NAALADL2: variants seen among roughly 807,000 people sequenced by gnomAD.
NAALADL2 encodes the protein inactive N-acetylated-alpha-linked acidic dipeptidase-like protein 2.
A neutral mutation model predicts 87.2 loss-of-function variants in NAALADL2; 76 were observed. That is an observed-to-expected ratio of 0.87 (90% confidence interval 0.72 to 1.05). The LOEUF is 1.05. NAALADL2 is among the 50% of genes least tolerant of loss of function. The probability of loss-of-function intolerance (pLI) is 0.00; values close to 1 mark genes in which losing one functional copy is unlikely to be tolerated. For synonymous variants in NAALADL2, 354 were observed against 331.0 expected, an observed-to-expected ratio of 1.07 and a Z score of -0.75; for missense variants, 1,089 against 945.8, an observed-to-expected ratio of 1.15 and a Z score of -1.99.
In NAALADL2 at chr3:175,770,944, T is replaced by G. The variant is rs149293194; in HGVS notation, c.2189+15526T>G. On this transcript the variant is annotated intron_variant, in intron 13 of 13. Coordinates refer to ENST00000454872, the MANE Select transcript of NAALADL2 (RefSeq NM_207015.3). ...AATTAAATAGATAGCTTTGAACAAC[T>G]AAAGAATAGAAATGTTTTCAAAGCT... Among the ~76,000 whole-genome samples the G allele has an allele frequency of 1.1e-4, 17 of 152,300 alleles. No homozygotes were observed. The East Asian group carries it at 3.1e-3, about 28-fold the overall frequency.
chr3:175,636,277 A>T (rs1337439174), intron 11 of NAALADL2, among the ~76,000 whole-genome samples: 1 of 152,140 alleles, frequency 6.6e-6, no homozygotes, highest in African/African-American at 2.4e-5. Flanking sequence ...TTCTCAGTAT[A>T]TCACCATAGA....
chr3:175,810,044 G>C lies in NAALADL2; in HGVS notation c.*6841G>C, dbSNP rs549910734. ...TGTTTAGCCTTGTTCAAAATGATTT[G>C]ATTATCATCTGGATTCAGAAATCTT... On this transcript the variant is annotated 3_prime_UTR_variant, in exon 14 of 14. Transcript: ENST00000454872. The C allele has an allele frequency of 6.6e-6, 1 of 152,022 alleles. No homozygotes were observed. Among genetic ancestry groups the C allele is most frequent in the African/African-American group, 2.4e-5 (1 of 41,498 alleles). 9.4% of individuals were successfully genotyped at this position (152,022 alleles called of 1,614,324 possible). A position where few individuals can be genotyped will look rare whatever the true frequency, so the allele number is the denominator to read the frequency against.
intron 9 of NAALADL2, among the ~76,000 whole-genome samples, chr3:175,487,812 C>T (rs541219113): frequency 1.2e-4 from 18 of 152,228 alleles, no homozygotes; most frequent in African/African-American, 4.1e-4. Flanking sequence ...TGTGTCTAAT[C>T]CAGATATGGT....
chr3:174,628,171 A>G (rs542744042), intron 2 of NAALADL2, among the ~76,000 whole-genome samples: 3 of 152,308 alleles, frequency 2.0e-5, no homozygotes, highest in South Asian at 4.1e-4. Context: ...AGAGTGGAAA[A>G]TGATTTTAAA....
At chr3:175,674,626 CATTTTT>C (rs1321273640) in intron 11 of NAALADL2, among the ~76,000 whole-genome samples, 1 of 151,974 alleles carries the variant, frequency 6.6e-6, no homozygotes, top group African/African-American at 2.4e-5. Context: ...ACCACATTTT[CATTTTT>C]GAGTGTTTCA....
At chr3:175,470,406 G>C (rs1358407421) in intron 8 of NAALADL2, among the ~76,000 whole-genome samples, 1 of 151,900 alleles carries the variant, frequency 6.6e-6, no homozygotes, top group East Asian at 1.9e-4. Context: ...ATGTTAACCA[G>C]CTTAATTTAA....
chr3:175,055,477 G>A (rs1711944379), intron 1 of NAALADL2, among the ~76,000 whole-genome samples: 2 of 152,184 alleles, frequency 1.3e-5, no homozygotes. Flanking sequence ...CACAGCTTTT[G>A]TACAGCATAA....
At chr3:175,389,354 A>C (rs993351512) in intron 5 of NAALADL2, among the ~76,000 whole-genome samples, 1 of 152,196 alleles carries the variant, frequency 6.6e-6, no homozygotes, top group Non-Finnish European at 1.5e-5. Context: ...AGGAATAAAC[A>C]CTGTACTCTA....
intron 5 of NAALADL2, among the ~76,000 whole-genome samples, chr3:175,428,405 C>T (rs530140805): frequency 1.3e-5 from 2 of 152,124 alleles, no homozygotes; most frequent in Admixed American, 6.6e-5. Context: ...AAATAGTCAC[C>T]GAATCACCTA....
chr3:175,053,673 C>T (rs966726561), intron 1 of NAALADL2, among the ~76,000 whole-genome samples: 21 of 152,304 alleles, frequency 1.4e-4, no homozygotes, highest in African/African-American at 5.1e-4. Flanking sequence ...AAGGTGTCCA[C>T]ACATACATGT....
intron 1 of NAALADL2, among the ~76,000 whole-genome samples, chr3:174,955,917 A>T (rs1010461937): frequency 6.6e-6 from 1 of 151,920 alleles, no homozygotes; most frequent in Non-Finnish European, 1.5e-5. Context: ...CACTTTGAAA[A>T]CTTGTGATTT....
At chr3:175,627,458 A>C in intron 11 of NAALADL2, 72 bp downstream of exon 11, 3 of 959,428 alleles carry the variant, frequency 3.1e-6, no homozygotes, top group Non-Finnish European at 1.6e-6. Context: ...GAGCAAAGGA[A>C]CATAACCAAT....
At chr3:175,114,149 A>G (rs567841398) in intron 2 of NAALADL2, among the ~76,000 whole-genome samples, 35 of 151,792 alleles carry the variant, frequency 2.3e-4, no homozygotes, top group African/African-American at 8.2e-4. Flanking sequence ...AGTGAAGGAT[A>G]GAGAGGAAAA....
chr3:175,286,158 T>C (rs953039074), intron 4 of NAALADL2, among the ~76,000 whole-genome samples: 1 of 152,222 alleles, frequency 6.6e-6, no homozygotes, highest in Non-Finnish European at 1.5e-5. Flanking sequence ...ATTTTAGTTA[T>C]ACAGGTTGCC....
intron 11 of NAALADL2, among the ~76,000 whole-genome samples, chr3:175,711,145 C>T (rs770974153): frequency 4.0e-5 from 6 of 151,572 alleles, no homozygotes; most frequent in East Asian, 1.9e-4. Flanking sequence ...AGACCAGAGC[C>T]GCTTTAGAAT....
chr3:175,409,926 A>G (rs1211431886), intron 5 of NAALADL2, among the ~76,000 whole-genome samples: 1 of 152,090 alleles, frequency 6.6e-6, no homozygotes, highest in Non-Finnish European at 1.5e-5. Flanking sequence ...AAAGGGAAGA[A>G]TCAGGGGATA....
rs1442958836 is a variant in NAALADL2 at position 175,173,317 on chromosome 3, T to TA, written c.546-60611dup. On this transcript the variant is annotated intron_variant, in intron 2 of 13. Coordinates refer to ENST00000454872, the MANE Select transcript of NAALADL2 (RefSeq NM_207015.3). Reference sequence around the variant, plus strand: ...AAAATAAATAAATAAATAAAATAAATAAATAAATAAATAAATAAATAAATA... The same window carrying TA: ...AAAATAAATAAATAAATAAAATAAATAAAATAAATAAATAAATAAATAAATA... Among the ~76,000 whole-genome samples the TA allele has an allele frequency of 3.7e-3, 429 of 114,448 alleles. 4 individuals carry two copies. The highest frequency in any genetic ancestry group is 0.014 in the South Asian group (52 of 3,616). The allele number at this position is 114,448 out of a possible 152,430, so 75.1% of individuals were successfully genotyped here. A position where few individuals can be genotyped will look rare whatever the true frequency, so the allele number is the denominator to read the frequency against.
intron 3 of NAALADL2, among the ~76,000 whole-genome samples, chr3:174,785,940 T>C (rs1716585386): frequency 6.6e-6 from 1 of 152,158 alleles, no homozygotes; most frequent in Admixed American, 6.5e-5. Flanking sequence ...TCAGTTGATA[T>C]TGATTCCTTT....
At chr3:174,948,183 T>TTA (rs940995378) in intron 1 of NAALADL2, among the ~76,000 whole-genome samples, 42 of 152,066 alleles carry the variant, frequency 2.8e-4, no homozygotes, top group African/African-American at 1.0e-3. Context: ...ATTTATTTAT[T>TTA]TATTTATTTT....
Sources: allele counts gnomAD v4.1 joint callset (sites outside exome capture counted in the v4.1 genomes callset), GRCh38; gene constraint gnomAD v4.1.1; transcripts MANE v1.5; gene names NCBI Gene and HGNC (gene_info 2026-07-23, HGNC 2026-07-21).